Variants in MDGA2 observed in about 807,000 individuals in gnomAD.
The protein encoded by MDGA2 is MAM domain containing glycosylphosphatidylinositol anchor 2, also known as MAM domain-containing glycosylphosphatidylinositol anchor protein 2.
A neutral mutation model predicts 117.8 loss-of-function variants in MDGA2; 40 were observed. The ratio of observed to expected loss-of-function variants is 0.34; its 90% CI spans 0.26 to 0.44. The LOEUF (loss-of-function observed/expected upper bound fraction) is 0.44. MDGA2 is among the 20% of genes least tolerant of loss of function. The probability of loss-of-function intolerance (pLI) is 1.00; values close to 1 mark genes in which losing one functional copy is unlikely to be tolerated. For missense variants in MDGA2, 1,123 were observed against 1,250.6 expected, an observed-to-expected ratio of 0.90 and a Z score of 1.54; for synonymous variants, 452 against 439.0, an observed-to-expected ratio of 1.03 and a Z score of -0.37.
intron 8 of MDGA2, among the ~76,000 whole-genome samples, chr14:47,011,612 C>G (rs1887897589): frequency 6.6e-6 from 1 of 151,882 alleles, no homozygotes; most frequent in African/African-American, 2.4e-5. Context: ...GTTTCACACT[C>G]TAGCATATAT....
At chr14:47,151,752 A>G (rs1190617179) in intron 3 of MDGA2, among the ~76,000 whole-genome samples, 1 of 151,802 alleles carries the variant, frequency 6.6e-6, no homozygotes, top group African/African-American at 2.4e-5. Flanking sequence ...GTAAATAATT[A>G]TCTTATTTGA....
intron 8 of MDGA2, among the ~76,000 whole-genome samples, chr14:46,995,092 T>C (rs1304034492): frequency 6.6e-6 from 1 of 152,170 alleles, no homozygotes; most frequent in Non-Finnish European, 1.5e-5. Flanking sequence ...ATAGCATTTC[T>C]CTGATCAGAG....
At chr14:47,096,545 T>A in intron 6 of MDGA2, among the ~76,000 whole-genome samples, 1 of 151,996 alleles carries the variant, frequency 6.6e-6, no homozygotes, top group South Asian at 2.1e-4. Flanking sequence ...ACAGTGAATG[T>A]TTTATGCTGC....
chr14:47,115,048 G>A (rs953358127), intron 5 of MDGA2, among the ~76,000 whole-genome samples: 1 of 151,002 alleles, frequency 6.6e-6, no homozygotes, highest in African/African-American at 2.4e-5. Context: ...TAAAACATAA[G>A]AAGTGGACAA....
chr14:46,957,287 A>G (rs2138254221), intron 9 of MDGA2, 87 bp downstream of exon 9: 2 of 1,309,192 alleles, frequency 1.5e-6, no homozygotes, highest in East Asian at 2.4e-5. Context: ...TGATTTACAA[A>G]TGTTTTCATT....
chr14:46,989,313 G>A (rs1443033749), intron 8 of MDGA2, among the ~76,000 whole-genome samples: 2 of 146,002 alleles, frequency 1.4e-5, no homozygotes, highest in Non-Finnish European at 3.0e-5. Flanking sequence ...GAAAAGGATA[G>A]CTGCACTGGA....
chr14:46,926,481 G>A (rs1175891138), intron 9 of MDGA2, among the ~76,000 whole-genome samples: 1 of 150,758 alleles, frequency 6.6e-6, no homozygotes. Context: ...AATACATATA[G>A]CCAAACGATT....
chr14:47,211,653 T>C (rs966592895), intron 3 of MDGA2, among the ~76,000 whole-genome samples: 1 of 152,242 alleles, frequency 6.6e-6, no homozygotes, highest in African/African-American at 2.4e-5. Context: ...ACTATCTCTA[T>C]TGTCCAAGGC....
At chr14:47,156,378 T>C (rs1235924377) in intron 3 of MDGA2, among the ~76,000 whole-genome samples, 1 of 152,222 alleles carries the variant, frequency 6.6e-6, no homozygotes, top group Admixed American at 6.5e-5. Flanking sequence ...ATACACTAAA[T>C]AGCTTCGTTT....
At chr14:46,995,203 A>G (rs1258428159) in intron 8 of MDGA2, among the ~76,000 whole-genome samples, 1 of 152,182 alleles carries the variant, frequency 6.6e-6, no homozygotes, top group Non-Finnish European at 1.5e-5. Context: ...CCATTTTGTT[A>G]TACTAAATTA....
chr14:47,182,972 T>C (rs1349270021), intron 3 of MDGA2, among the ~76,000 whole-genome samples: 1 of 152,182 alleles, frequency 6.6e-6, no homozygotes, highest in African/African-American at 2.4e-5. Flanking sequence ...TTAATCTAAA[T>C]GTTGATGATA....
chr14:47,155,861 C>A (rs1042345124), intron 3 of MDGA2, among the ~76,000 whole-genome samples: 1 of 120,818 alleles, frequency 8.3e-6, no homozygotes, highest in African/African-American at 2.9e-5. Context: ...AATTTTTTTA[C>A]AATTCTTTTC....
intron 1 of MDGA2, among the ~76,000 whole-genome samples, chr14:47,393,300 C>T (rs1891937331): frequency 6.6e-6 from 1 of 151,676 alleles, no homozygotes; most frequent in South Asian, 2.1e-4. Flanking sequence ...TACTTCCAAA[C>T]ATACTGCTTT....
chr14:46,957,751 G>A (rs1023755426), intron 8 of MDGA2, 108 bp from the exon 9 acceptor site: 3 of 1,208,810 alleles, frequency 2.5e-6, no homozygotes, highest in South Asian at 2.8e-5. Context: ...CAATAGAGGA[G>A]GAGTGTAGGA....
intron 1 of MDGA2, among the ~76,000 whole-genome samples, chr14:47,532,287 A>C (rs993770107): frequency 1.3e-5 from 2 of 152,142 alleles, no homozygotes; most frequent in Non-Finnish European, 2.9e-5. Flanking sequence ...TGGCATTATA[A>C]ATGTTTCTCT....
intron 9 of MDGA2, among the ~76,000 whole-genome samples, chr14:46,944,349 C>T (rs1885097637): frequency 6.6e-6 from 1 of 151,922 alleles, no homozygotes; most frequent in Non-Finnish European, 1.5e-5. Flanking sequence ...TCATACATAT[C>T]ATCAGAATAT....
At chr14:47,622,041 G>A (rs1442734664) in intron 1 of MDGA2, among the ~76,000 whole-genome samples, 5 of 152,164 alleles carry the variant, frequency 3.3e-5, no homozygotes, top group Admixed American at 2.6e-4. Context: ...AAATTCATAT[G>A]AGCTATTATA....
chr14:47,186,140 A>G (rs1357215254), intron 3 of MDGA2, among the ~76,000 whole-genome samples: 4 of 151,702 alleles, frequency 2.6e-5, no homozygotes, highest in African/African-American at 9.7e-5. Flanking sequence ...AAGAAAAAAT[A>G]GAATTATTTT....
chr14:47,154,316 CT>C (rs1368520386), intron 3 of MDGA2, among the ~76,000 whole-genome samples: 2 of 152,190 alleles, frequency 1.3e-5, no homozygotes, highest in Non-Finnish European at 2.9e-5. Context: ...GGAGTGGCTG[CT>C]GCAAAGACGA....
Sources: allele counts gnomAD v4.1 joint callset (sites outside exome capture counted in the v4.1 genomes callset), GRCh38; gene constraint gnomAD v4.1.1; transcripts MANE v1.5; gene names NCBI Gene and HGNC (gene_info 2026-07-23, HGNC 2026-07-21).